Variants in GRM5 observed in about 807,000 individuals in gnomAD.
The protein encoded by GRM5 is metabotropic glutamate receptor 5.
Under a neutral mutation model 83.1 loss-of-function variants are expected in GRM5, and 19 were observed. That is an observed-to-expected ratio of 0.23 (90% CI 0.16 to 0.34). The LOEUF (loss-of-function observed/expected upper bound fraction) is 0.34, where lower values mean the gene tolerates loss of function less well. GRM5 is among the 10% of genes least tolerant of loss of function. The pLI is 1.00. For missense variants in GRM5, 1,160 were observed against 1,588.3 expected (o/e 0.73, Z 4.58); for synonymous variants, 675 against 633.6 (o/e 1.07, Z -0.98).
At chr11:88,741,605 A>T (rs1361001108) in intron 3 of GRM5, among the ~76,000 whole-genome samples, 1 of 152,138 alleles carries the variant, frequency 6.6e-6, no homozygotes, top group Admixed American at 6.6e-5. Flanking sequence ...GACCATGACC[A>T]AGACATAATC....
chr11:88,742,620 A>G (rs1258634230), intron 3 of GRM5, among the ~76,000 whole-genome samples: 1 of 152,118 alleles, frequency 6.6e-6, no homozygotes, highest in Admixed American at 6.6e-5. Flanking sequence ...TGAAGAGCCT[A>G]TGAGGAGAGG....
intron 1 of GRM5, among the ~76,000 whole-genome samples, chr11:89,064,762 C>A (rs540919998): frequency 6.6e-6 from 1 of 151,442 alleles, no homozygotes; most frequent in African/African-American, 2.4e-5. Context: ...TGATGCCAAA[C>A]CCGATCACCC....
intron 3 of GRM5, among the ~76,000 whole-genome samples, chr11:88,782,532 A>G (rs776709070): frequency 6.6e-6 from 1 of 152,250 alleles, no homozygotes; most frequent in Non-Finnish European, 1.5e-5. Context: ...GGAATTCATG[A>G]TGAGATTTGG....
chr11:88,654,088 T>G (rs1939706985), intron 3 of GRM5, among the ~76,000 whole-genome samples: 1 of 152,052 alleles, frequency 6.6e-6, no homozygotes, highest in African/African-American at 2.4e-5. Context: ...CCAAAAGAAC[T>G]TCTGAACAAT....
At chr11:88,861,016 T>A (rs1944552933) in intron 2 of GRM5, among the ~76,000 whole-genome samples, 1 of 152,182 alleles carries the variant, frequency 6.6e-6, no homozygotes, top group African/African-American at 2.4e-5. Context: ...GATTACATGT[T>A]AAAATGATAG....
chr11:88,747,045 T>C (rs1388297377), intron 3 of GRM5, among the ~76,000 whole-genome samples: 1 of 152,192 alleles, frequency 6.6e-6, no homozygotes, highest in Non-Finnish European at 1.5e-5. Flanking sequence ...GAGTATAATA[T>C]TGTCATTGCA....
At chr11:88,727,565 C>T (rs1299871885) in intron 3 of GRM5, among the ~76,000 whole-genome samples, 1 of 152,134 alleles carries the variant, frequency 6.6e-6, no homozygotes, top group Non-Finnish European at 1.5e-5. Flanking sequence ...ACTCTCCTCC[C>T]CAAATCAAGA....
chr11:88,874,982 T>A (rs1015150470), intron 2 of GRM5, among the ~76,000 whole-genome samples: 1 of 151,970 alleles, frequency 6.6e-6, no homozygotes, highest in South Asian at 2.1e-4. Context: ...CTTGTCTTGA[T>A]ACTGATGGCT....
chr11:88,711,173 A>G (rs1243282170), intron 3 of GRM5, among the ~76,000 whole-genome samples: 3 of 152,102 alleles, frequency 2.0e-5, no homozygotes, highest in Admixed American at 6.6e-5. Context: ...GAAAGTTTGA[A>G]TGAAGAAGGG....
intron 2 of GRM5, among the ~76,000 whole-genome samples, chr11:88,881,314 T>A (rs1174328607): frequency 6.6e-6 from 1 of 150,818 alleles, no homozygotes; most frequent in Admixed American, 6.6e-5. Flanking sequence ...TGCTCAACCA[T>A]AATAGGCCTA....
chr11:88,797,307 G>A (rs1305423203), intron 3 of GRM5, among the ~76,000 whole-genome samples: 4 of 151,906 alleles, frequency 2.6e-5, no homozygotes, highest in Admixed American at 6.6e-5. Context: ...GCACCACCAC[G>A]CTCCGCTAAT....
intron 2 of GRM5, among the ~76,000 whole-genome samples, chr11:88,951,962 G>A (rs574546070): frequency 1.4e-4 from 22 of 152,134 alleles, no homozygotes; most frequent in Non-Finnish European, 2.6e-4. Flanking sequence ...TCTGGTCACT[G>A]TTTTGTTTAT....
At chr11:88,715,011 AAAATG>A (rs1941369927) in intron 3 of GRM5, among the ~76,000 whole-genome samples, 1 of 152,070 alleles carries the variant, frequency 6.6e-6, no homozygotes, top group Non-Finnish European at 1.5e-5. Flanking sequence ...TCACTTGATG[AAAATG>A]AAAGATGGGG....
intron 3 of GRM5, among the ~76,000 whole-genome samples, chr11:88,726,432 T>C (rs1344287865): frequency 5.3e-5 from 8 of 152,136 alleles, no homozygotes; most frequent in Non-Finnish European, 8.8e-5. Flanking sequence ...CTGAAAGTGA[T>C]GAGGAGAATG....
At chr11:88,944,364 G>T (rs1466505621) in intron 2 of GRM5, among the ~76,000 whole-genome samples, 2 of 151,798 alleles carry the variant, frequency 1.3e-5, no homozygotes, top group African/African-American at 4.8e-5. Flanking sequence ...GAATTAAATA[G>T]TTGTTAAATT....
chr11:88,555,383 T>A (rs141472878), intron 8 of GRM5, among the ~76,000 whole-genome samples: 1 of 152,044 alleles, frequency 6.6e-6, no homozygotes, highest in Non-Finnish European at 1.5e-5. Flanking sequence ...TGGAAAAGAG[T>A]CTCACGCGAC....
intron 2 of GRM5, among the ~76,000 whole-genome samples, chr11:88,950,751 G>A (rs1473337442): frequency 1.3e-5 from 2 of 152,138 alleles, no homozygotes; most frequent in Non-Finnish European, 2.9e-5. Context: ...TATTTGCTGT[G>A]AGAGTAGCTA....
At chr11:88,777,820 C>T (rs1182280655) in intron 3 of GRM5, among the ~76,000 whole-genome samples, 2 of 152,170 alleles carry the variant, frequency 1.3e-5, no homozygotes, top group Non-Finnish European at 2.9e-5. Flanking sequence ...GATCCTTCCT[C>T]TGGAAGCTTC....
intron 3 of GRM5, among the ~76,000 whole-genome samples, chr11:88,780,068 C>G (rs1460923543): frequency 6.6e-6 from 1 of 152,186 alleles, no homozygotes; most frequent in East Asian, 1.9e-4. Flanking sequence ...AACTCTTCTG[C>G]AGAATCCCTT....
Sources: gnomAD v4.1 joint callset for allele counts (sites outside exome capture counted in the v4.1 genomes callset) on GRCh38, gnomAD v4.1.1 for gene constraint, MANE v1.5 for transcripts, NCBI Gene and HGNC (gene_info 2026-07-23, HGNC 2026-07-21) for gene names.